The following CACNA2D3 variants were observed in gnomAD, a reference collection of about 807,000 sequenced individuals.
CACNA2D3 encodes voltage-dependent calcium channel subunit alpha-2/delta-3.
Under a neutral mutation model 160.6 loss-of-function variants are expected in CACNA2D3, and 60 were observed. The ratio of observed to expected loss-of-function variants is 0.37; its 90% confidence interval spans 0.30 to 0.46. The LOEUF (loss-of-function observed/expected upper bound fraction) is 0.46, where lower values mean the gene tolerates loss of function less well. Among genes scored for constraint, CACNA2D3 ranks in the 20% least tolerant of loss-of-function variants. The pLI is 1.00. For missense variants in CACNA2D3, 1,205 were observed against 1,365.0 expected (o/e 0.88, Z 1.85); for synonymous variants, 558 against 492.9 (o/e 1.13, Z -1.75).
chr3:54,834,319 G>T (rs1244435073), intron 14 of CACNA2D3, among the ~76,000 whole-genome samples: 1 of 152,154 alleles, frequency 6.6e-6, no homozygotes, highest in Non-Finnish European at 1.5e-5. Context: ...GCGGAGTTAT[G>T]GATCAGCTCA....
chr3:54,422,308 T>C (rs1434722936), intron 4 of CACNA2D3, among the ~76,000 whole-genome samples: 3 of 152,334 alleles, frequency 2.0e-5, no homozygotes, highest in South Asian at 2.1e-4. Flanking sequence ...CAGGCCCTAA[T>C]TGCAGTAGTG....
In CACNA2D3 at chr3:54,648,460, TC is replaced by T. The variant is rs567206306; in HGVS notation, c.1167+6220del. On this transcript the variant is annotated intron_variant, in intron 11 of 37. Transcript: ENST00000474759. Reference sequence around the variant, plus strand: ...TAAGAATATGGTTTCCCACCACTAATCTAAAGGAACCTTTTAAAAATTTAGA... The same window carrying T: ...TAAGAATATGGTTTCCCACCACTAATTAAAGGAACCTTTTAAAAATTTAGA... 2.4e-3 allele frequency among the ~76,000 whole-genome samples: 372 copies of T among 152,354 alleles called. 1 individual carries two copies. The highest frequency in any genetic ancestry group is 8.6e-3 in the African/African-American group (356 of 41,568).
chr3:54,455,218 G>A (rs573305931), intron 4 of CACNA2D3, among the ~76,000 whole-genome samples: 5 of 152,000 alleles, frequency 3.3e-5, no homozygotes, highest in Non-Finnish European at 7.4e-5. Flanking sequence ...CACCAACACT[G>A]TATAAGAATT....
intron 26 of CACNA2D3, among the ~76,000 whole-genome samples, chr3:54,898,803 A>G (rs542263454): frequency 1.3e-5 from 2 of 152,342 alleles, no homozygotes; most frequent in East Asian, 1.9e-4. Context: ...TACCTTGTTC[A>G]TGACAAAGTT....
Position 54,503,662 on chromosome 3 carries a change from T to G in CACNA2D3, c.544+8T>G. 1.2e-5 allele frequency: 19 copies of G among 1,611,590 alleles called. No individual in the cohort carries two copies. Among genetic ancestry groups the G allele is most frequent in the Non-Finnish European group, 1.6e-5 (19 of 1,178,390 alleles). ...CGAACATGTACAACAAAGGTAAGAC[T>G]CCCAGCCACTGCTCCTTTTAGAAGG... On this transcript the variant is annotated splice_region_variant and intron_variant, in intron 5 of 37. Coordinates refer to ENST00000474759, the MANE Select transcript of CACNA2D3 (RefSeq NM_018398.3).
intron 4 of CACNA2D3, among the ~76,000 whole-genome samples, chr3:54,412,195 A>G (rs1699678500): frequency 6.6e-6 from 1 of 152,122 alleles, no homozygotes; most frequent in African/African-American, 2.4e-5. Flanking sequence ...TGATGTAAAC[A>G]TTGGATACTG....
At chr3:54,303,888 G>A (rs1326380627) in intron 2 of CACNA2D3, among the ~76,000 whole-genome samples, 3 of 141,348 alleles carry the variant, frequency 2.1e-5, no homozygotes, top group Non-Finnish European at 4.5e-5. Flanking sequence ...GGGGCTGCAA[G>A]AACCTCTCCA....
chr3:54,978,042 G>A (rs1443012302), intron 29 of CACNA2D3, among the ~76,000 whole-genome samples: 2 of 152,134 alleles, frequency 1.3e-5, no homozygotes, highest in African/African-American at 4.8e-5. Context: ...ACTGGTGGGA[G>A]TGTAGCAGTG....
chr3:54,272,426 G>C (rs146548421), intron 2 of CACNA2D3, among the ~76,000 whole-genome samples: 1 of 152,154 alleles, frequency 6.6e-6, no homozygotes, highest in African/African-American at 2.4e-5. Context: ...CCACATGCAT[G>C]TCTTTAGCAT....
intron 9 of CACNA2D3, among the ~76,000 whole-genome samples, chr3:54,601,889 G>C (rs1703066191): frequency 6.6e-6 from 1 of 151,908 alleles, no homozygotes; most frequent in Non-Finnish European, 1.5e-5. Flanking sequence ...AATTTTAATA[G>C]CTAGCACATC....
intron 2 of CACNA2D3, among the ~76,000 whole-genome samples, chr3:54,171,440 T>A (rs1700568169): frequency 6.6e-6 from 1 of 152,102 alleles, no homozygotes; most frequent in South Asian, 2.1e-4. Flanking sequence ...CTGCCCTAAG[T>A]AAATCACTGT....
intron 2 of CACNA2D3, among the ~76,000 whole-genome samples, chr3:54,263,360 C>A (rs1254975395): frequency 6.6e-6 from 1 of 152,124 alleles, no homozygotes; most frequent in East Asian, 1.9e-4. Flanking sequence ...AGACAGTGTT[C>A]TAAGTCTCTC....
rs118103641 is a variant in CACNA2D3, at chr3:54,383,090, C to T, written c.322-3625C>T. On this transcript the variant is annotated intron_variant, in intron 3 of 37. Transcript: ENST00000474759. ...TTTGAAGTCCTGGGCTCATACGATC[C>T]GCCCCCCTTGGCCTCCCAAAGTGCT... Among the ~76,000 whole-genome samples the T allele has an allele frequency of 4.2e-3, 647 of 152,256 alleles. 4 individuals are homozygous for T. Among genetic ancestry groups the T allele is most frequent in the East Asian group, 0.026 (132 of 5,172 alleles).
intron 27 of CACNA2D3, among the ~76,000 whole-genome samples, chr3:54,933,807 A>G (rs773024967): frequency 8.7e-5 from 13 of 148,800 alleles, no homozygotes; most frequent in Non-Finnish European, 1.3e-4. Flanking sequence ...CATCCAGGCC[A>G]CTGCAGGCTA....
intron 14 of CACNA2D3, among the ~76,000 whole-genome samples, chr3:54,833,562 G>A (rs1224725866): frequency 2.0e-5 from 3 of 151,730 alleles, no homozygotes; most frequent in African/African-American, 7.3e-5. Context: ...GCCATAGTTG[G>A]CTGCATAACT....
chr3:54,313,827 A>T (rs1703801191), intron 2 of CACNA2D3, among the ~76,000 whole-genome samples: 1 of 145,508 alleles, frequency 6.9e-6, no homozygotes, highest in South Asian at 2.1e-4. Context: ...ACTTTCCCTG[A>T]TGCTGCATCT....
At chr3:54,287,308 A>G (rs536304392) in intron 2 of CACNA2D3, among the ~76,000 whole-genome samples, 1 of 152,338 alleles carries the variant, frequency 6.6e-6, no homozygotes, top group South Asian at 2.1e-4. Flanking sequence ...TTAAACCAAC[A>G]AAGATCAAAA....
intron 2 of CACNA2D3, among the ~76,000 whole-genome samples, chr3:54,276,613 A>T (rs758057369): frequency 1.3e-5 from 2 of 151,572 alleles, no homozygotes. Context: ...AGAGAGAGCC[A>T]TTAGAGAGAG....
intron 30 of CACNA2D3, among the ~76,000 whole-genome samples, chr3:54,984,898 C>T (rs1295644535): frequency 6.6e-6 from 1 of 152,100 alleles, no homozygotes; most frequent in African/African-American, 2.4e-5. Flanking sequence ...GGTGACAGTG[C>T]CCAGGGTCTG....
Sources: gnomAD v4.1 joint callset for allele counts (sites outside exome capture counted in the v4.1 genomes callset) on GRCh38, gnomAD v4.1.1 for gene constraint, MANE v1.5 for transcripts, NCBI Gene and HGNC (gene_info 2026-07-23, HGNC 2026-07-21) for gene names.